SEC22A: variants seen among roughly 807,000 people sequenced by gnomAD.
SEC22A encodes vesicle-trafficking protein SEC22a.
Under a neutral mutation model 35.3 loss-of-function variants are expected in SEC22A, and 22 were observed. The observed-to-expected ratio is 0.62, with a 90% CI of 0.45 to 0.89. The LOEUF (loss-of-function observed/expected upper bound fraction) is 0.89. Ranked by LOEUF, SEC22A falls within the 40% of genes least tolerant of loss-of-function variation. The pLI, the probability that SEC22A is intolerant of heterozygous loss-of-function variation, is 0.00. For synonymous variants in SEC22A, 119 were observed against 129.5 expected, an observed-to-expected ratio of 0.92 and a Z score of 0.55; for missense variants, 354 against 362.5, an observed-to-expected ratio of 0.98 and a Z score of 0.19.
At position 123,223,663 on chromosome 3, in the gene SEC22A, C is replaced by T. The variant is rs897933489; in HGVS notation, c.287C>T (p.Thr96Ile). Residue 96 changes from threonine to isoleucine, a missense_variant, in exon 3 of 7, where the codon ACT becomes ATT. Thr to Ile is a moderately conservative substitution (Grantham distance 89). Transcript: ENST00000492595. ...GATGAGCTTCAGAAGGAGTTCATTACTACTTATAACATGATGAAGACAAAT... is the reference window on the plus strand; with the variant it reads ...GATGAGCTTCAGAAGGAGTTCATTATTACTTATAACATGATGAAGACAAAT... ...FLDELQKEFITTYNMMKTNTA... is the reference protein window; with the variant it reads ...FLDELQKEFIITYNMMKTNTA... 1.2e-6 allele frequency: 2 copies of T among 1,612,660 alleles called. No individual in the cohort carries two copies. Among genetic ancestry groups the T allele is most frequent in the East Asian group, 2.2e-5 (1 of 44,860 alleles).
intron 6 of SEC22A, among the ~76,000 whole-genome samples, chr3:123,263,076 C>T (rs1376582905): frequency 1.3e-5 from 2 of 152,290 alleles, no homozygotes; most frequent in Middle Eastern, 3.4e-3. Context: ...TTAATCTAAC[C>T]GCTCCTTAAT....
At chr3:123,270,946 A>G (rs530430302) in intron 6 of SEC22A, among the ~76,000 whole-genome samples, 214 of 152,342 alleles carry the variant, frequency 1.4e-3, no homozygotes, top group Middle Eastern at 0.014. Flanking sequence ...TGTTTTACTT[A>G]CAACTGAAGA....
rs953540680 is a variant in SEC22A, at chr3:123,253,999, TGGG to T, written c.658-5522_658-5520del. Among the ~76,000 whole-genome samples the T allele has an allele frequency of 5.9e-5, 9 of 151,746 alleles. No individual in the cohort carries two copies. The East Asian group carries it at 9.6e-4, about 16-fold the overall frequency. Reference sequence around the variant, plus strand: ...TAAAATAAAAATAACAAAAAAGAGTTGGGGGAAATGTATAAAGAATAAAATAAA... The same window carrying T: ...TAAAATAAAAATAACAAAAAAGAGTTGGAAATGTATAAAGAATAAAATAAA... On this transcript the variant is annotated intron_variant, in intron 5 of 6. Transcript: ENST00000492595.
intron 5 of SEC22A, among the ~76,000 whole-genome samples, chr3:123,251,814 G>A (rs1047361673): frequency 2.0e-5 from 3 of 152,104 alleles, no homozygotes; most frequent in Non-Finnish European, 4.4e-5. Flanking sequence ...ACAATGTTCT[G>A]GTAAGTGACT....
chr3:123,258,762 G>T, intron 5 of SEC22A, among the ~76,000 whole-genome samples: 1 of 150,470 alleles, frequency 6.6e-6, no homozygotes. Flanking sequence ...CCAAATTAAT[G>T]TTCCTGCCTG....
chr3:123,257,123 A>G (rs1372549411), intron 5 of SEC22A, among the ~76,000 whole-genome samples: 1 of 152,152 alleles, frequency 6.6e-6, no homozygotes, highest in Non-Finnish European at 1.5e-5. Context: ...CTTGATAAAT[A>G]TTTATTAAAT....
intron 4 of SEC22A, among the ~76,000 whole-genome samples, chr3:123,243,396 T>A (rs1937541352): frequency 6.6e-6 from 1 of 152,150 alleles, no homozygotes; most frequent in South Asian, 2.1e-4. Flanking sequence ...AAGTAGTAGT[T>A]GTTGATGCTG....
intron 4 of SEC22A, among the ~76,000 whole-genome samples, chr3:123,228,339 C>T (rs113568847): frequency 0.039 from 5,604 of 145,556 alleles, 327 homozygotes; most frequent in African/African-American, 0.14. Context: ...CCAAGGCGGG[C>T]GGATCTCCTG....
chr3:123,205,774 A>C (rs1371281944), intron 1 of SEC22A, among the ~76,000 whole-genome samples: 1 of 152,238 alleles, frequency 6.6e-6, no homozygotes, highest in South Asian at 2.1e-4. Flanking sequence ...AGTGGTGGGC[A>C]ACACACCTGC....
intron 4 of SEC22A, among the ~76,000 whole-genome samples, chr3:123,234,296 AG>A (rs1937378740): frequency 6.6e-6 from 1 of 152,190 alleles, no homozygotes; most frequent in South Asian, 2.1e-4. Flanking sequence ...TGGAAATGCA[AG>A]GGATGGAGCA....
intron 4 of SEC22A, among the ~76,000 whole-genome samples, chr3:123,237,189 C>G (rs1431122969): frequency 6.6e-6 from 1 of 152,154 alleles, no homozygotes; most frequent in East Asian, 1.9e-4. Flanking sequence ...GTTTGCCAGC[C>G]TTTGCTGTCT....
intron 5 of SEC22A, among the ~76,000 whole-genome samples, chr3:123,250,224 A>G (rs1937599976): frequency 6.6e-6 from 1 of 152,154 alleles, no homozygotes; most frequent in African/African-American, 2.4e-5. Flanking sequence ...ATCCTGGCCA[A>G]CATGGTGAAA....
At position 123,259,122 on chromosome 3, in the gene SEC22A, A is replaced by G. The variant is rs547749856; in HGVS notation, c.658-402A>G. On this transcript the variant is annotated intron_variant, in intron 5 of 6. Coordinates refer to ENST00000492595, the MANE Select transcript of SEC22A (RefSeq NM_012430.5). Reference sequence around the variant, plus strand: ...ACAATTCAGTGATATACTTACTAGCAGTAAAGTTTGTCAGTATTTGAATCA... The same window carrying G: ...ACAATTCAGTGATATACTTACTAGCGGTAAAGTTTGTCAGTATTTGAATCA... Among the ~76,000 whole-genome samples, 11 of 152,348 alleles carry G rather than the reference A, an allele frequency of 7.2e-5. No homozygotes were observed. The South Asian group carries it at 2.3e-3, about 32-fold the overall frequency.
intron 5 of SEC22A, among the ~76,000 whole-genome samples, chr3:123,248,665 G>A (rs529852635): frequency 6.6e-6 from 1 of 152,236 alleles, no homozygotes; most frequent in South Asian, 2.1e-4. Context: ...TCCCAACTTG[G>A]TCTATAGATT....
intron 4 of SEC22A, among the ~76,000 whole-genome samples, chr3:123,227,220 T>C (rs947654678): frequency 2.8e-5 from 4 of 143,396 alleles, no homozygotes; most frequent in African/African-American, 1.0e-4. Context: ...CCTAAGGCTT[T>C]AGGAAAAAAA....
chr3:123,248,184 A>C (rs757925247), intron 5 of SEC22A, among the ~76,000 whole-genome samples: 1 of 152,192 alleles, frequency 6.6e-6, no homozygotes, highest in Non-Finnish European at 1.5e-5. Context: ...ACTCTGTCCA[A>C]CATCATACTG....
intron 1 of SEC22A, among the ~76,000 whole-genome samples, chr3:123,207,503 C>T (rs1936871454): frequency 6.6e-6 from 1 of 152,058 alleles, no homozygotes; most frequent in African/African-American, 2.4e-5. Flanking sequence ...AGTGAGGAAG[C>T]CTTTAGTGAC....
chr3:123,266,166 G>A (rs1938020885), intron 6 of SEC22A, among the ~76,000 whole-genome samples: 2 of 151,828 alleles, frequency 1.3e-5, no homozygotes, highest in African/African-American at 4.8e-5. Context: ...TCCTGATAAT[G>A]GTAATTTGCA....
chr3:123,260,922 G>T (rs917891699), intron 6 of SEC22A, among the ~76,000 whole-genome samples: 1 of 148,238 alleles, frequency 6.7e-6, no homozygotes, highest in African/African-American at 2.5e-5. Flanking sequence ...TGCAAGCTCC[G>T]CCTCCCAGGT....
Sources: allele counts gnomAD v4.1 joint callset (sites outside exome capture counted in the v4.1 genomes callset), GRCh38; gene constraint gnomAD v4.1.1; transcripts MANE v1.5; gene names NCBI Gene and HGNC (gene_info 2026-07-23, HGNC 2026-07-21).